CRADD: variants seen among roughly 807,000 people sequenced by gnomAD.
CRADD encodes death domain-containing protein CRADD.
In CRADD, 9 loss-of-function variants were observed where a neutral mutation model predicts 15.5. The observed-to-expected ratio is 0.58, with a 90% confidence interval of 0.35 to 1.01. CRADD has a LOEUF of 1.01. Among genes scored for constraint, CRADD ranks in the 50% least tolerant of loss-of-function variants. The pLI is 0.02. For synonymous variants in CRADD, 118 were observed against 107.6 expected (o/e 1.10, Z -0.60); for missense variants, 227 against 250.3 (o/e 0.91, Z 0.63).
At chr12:93,712,829 A>C (rs1956097458) in intron 2 of CRADD, among the ~76,000 whole-genome samples, 1 of 152,138 alleles carries the variant, frequency 6.6e-6, no homozygotes. Context: ...AATGCTTAGG[A>C]CAGTGTTGTT....
At chr12:93,735,506 T>G (rs886490424) in intron 2 of CRADD, 1 of 152,238 alleles carries the variant, frequency 6.6e-6, no homozygotes, top group Non-Finnish European at 1.5e-5. Flanking sequence ...GAGACTATAG[T>G]GCCTGGTTCA....
At chr12:93,777,616 G>A (rs558996160) in intron 2 of CRADD, among the ~76,000 whole-genome samples, 16 of 152,330 alleles carry the variant, frequency 1.1e-4, no homozygotes, top group Admixed American at 9.8e-4. Flanking sequence ...TAGTGGAAGT[G>A]ACTGTTCTTT....
intron 2 of CRADD, among the ~76,000 whole-genome samples, chr12:93,856,046 T>C (rs548916008): frequency 6.6e-6 from 1 of 152,328 alleles, no homozygotes; most frequent in South Asian, 2.1e-4. Flanking sequence ...GACCTCGTGA[T>C]CCACCTGCCT....
chr12:93,794,622 A>G (rs996977688), intron 2 of CRADD, among the ~76,000 whole-genome samples: 2 of 152,148 alleles, frequency 1.3e-5, no homozygotes, highest in Non-Finnish European at 2.9e-5. Flanking sequence ...CTGGACTTCC[A>G]TATCACCTCC....
intron 2 of CRADD, among the ~76,000 whole-genome samples, chr12:93,773,915 G>T (rs1302125180): frequency 6.9e-6 from 1 of 144,844 alleles, no homozygotes; most frequent in Non-Finnish European, 1.5e-5. Flanking sequence ...GTGTGATCAG[G>T]CTTGACCACC....
intron 2 of CRADD, among the ~76,000 whole-genome samples, chr12:93,777,796 C>T (rs1331944217): frequency 6.6e-6 from 1 of 152,158 alleles, no homozygotes; most frequent in South Asian, 2.1e-4. Flanking sequence ...CACCAAAGCC[C>T]GTTTTTCCTG....
intron 2 of CRADD, among the ~76,000 whole-genome samples, chr12:93,694,674 A>G (rs1341298860): frequency 1.3e-5 from 2 of 152,188 alleles, no homozygotes; most frequent in African/African-American, 2.4e-5. Context: ...ACAAACAGCA[A>G]ACTATTTGAA....
At chr12:93,848,406 T>C (rs1450027400) in intron 2 of CRADD, among the ~76,000 whole-genome samples, 3 of 152,224 alleles carry the variant, frequency 2.0e-5, no homozygotes, top group African/African-American at 7.2e-5. Context: ...GCCTTTGCCT[T>C]CTTATTGAAT....
chr12:93,862,613 G>C (rs78667331), intron 2 of CRADD, among the ~76,000 whole-genome samples: 1 of 152,152 alleles, frequency 6.6e-6, no homozygotes, highest in Non-Finnish European at 1.5e-5. Context: ...GTAAGGTGGG[G>C]TGAGTCAGCT....
intron 2 of CRADD, among the ~76,000 whole-genome samples, chr12:93,684,719 G>A (rs1176173245): frequency 6.6e-6 from 1 of 152,190 alleles, no homozygotes; most frequent in East Asian, 1.9e-4. Flanking sequence ...GGTGGTGGGG[G>A]TGGTCAGGGA....
intron 2 of CRADD, among the ~76,000 whole-genome samples, chr12:93,866,187 G>C (rs1463987366): frequency 6.6e-6 from 1 of 152,038 alleles, no homozygotes; most frequent in Non-Finnish European, 1.5e-5. Flanking sequence ...CTTTCAGTTT[G>C]AAATTTTCTT....
intron 2 of CRADD, among the ~76,000 whole-genome samples, chr12:93,772,512 G>C (rs1957095190): frequency 1.3e-5 from 2 of 152,116 alleles, no homozygotes; most frequent in Non-Finnish European, 2.9e-5. Flanking sequence ...ATTGGAAGCC[G>C]GTCTTCTTAT....
In CRADD at chr12:93,850,225, G is replaced by A. The variant is rs73365258; in HGVS notation, c.554G>A (p.Arg185Gln). ...TTCCAGAGCCTGCACAACGGGCTGC[G>A]GGCTGTGGAGGTGGACCCCTCGCTG... Reference protein sequence around the residue: ...ATFQSLHNGLRAVEVDPSLLL... With the variant: ...ATFQSLHNGLQAVEVDPSLLL... Residue 185 changes from arginine to glutamine, a missense_variant, in exon 3 of 3, where the codon CGG (arginine) becomes CAG (glutamine). Physicochemically the swap from Arg to Gln is conservative, Grantham distance 43. Transcript: ENST00000332896. This position sits in a 1 kb window ranked among gnomAD's most constrained non-coding sequence, Gnocchi z 4.0. The A allele has an allele frequency of 2.8e-3, 4,519 of 1,610,486 alleles. 127 individuals carry two copies. The African/African-American group carries it at 0.053, about 19-fold the overall frequency.
At chr12:93,779,956 T>C (rs528700612) in intron 2 of CRADD, among the ~76,000 whole-genome samples, 2 of 152,114 alleles carry the variant, frequency 1.3e-5, no homozygotes, top group African/African-American at 4.8e-5. Flanking sequence ...TATAGAAGAT[T>C]GAAAGACAAG....
intron 2 of CRADD, among the ~76,000 whole-genome samples, chr12:93,829,482 G>A (rs570773573): frequency 6.1e-4 from 93 of 152,230 alleles, no homozygotes; most frequent in African/African-American, 2.1e-3. Flanking sequence ...CTGGTGAGCT[G>A]ACAAGCAAAG....
At chr12:93,884,101 T>C (rs544031736) in intron 2 of CRADD, among the ~76,000 whole-genome samples, 41 of 152,102 alleles carry the variant, frequency 2.7e-4, no homozygotes, top group African/African-American at 9.2e-4. Context: ...TAAAAAAGGG[T>C]ATGAATACCA....
At chr12:93,794,376 A>ACTTTCTTC (rs549069778) in intron 2 of CRADD, among the ~76,000 whole-genome samples, 129 of 151,662 alleles carry the variant, frequency 8.5e-4, no homozygotes, top group African/African-American at 3.0e-3. Context: ...TCCCAGCCTT[A>ACTTTCTTC]CTTTCTTCCT....
chr12:93,791,461 GAATCTAA>G (rs1957348473), intron 2 of CRADD, among the ~76,000 whole-genome samples: 1 of 152,134 alleles, frequency 6.6e-6, no homozygotes, highest in African/African-American at 2.4e-5. Context: ...CTTGCACGTG[GAATCTAA>G]AAGAGTTAAA....
intron 2 of CRADD, among the ~76,000 whole-genome samples, chr12:93,788,538 T>C (rs943617108): frequency 2.6e-5 from 4 of 152,230 alleles, no homozygotes; most frequent in African/African-American, 7.2e-5. Context: ...TGGACCCTTG[T>C]TAGAATGATG....
Sources: allele counts gnomAD v4.1 joint callset (sites outside exome capture counted in the v4.1 genomes callset), GRCh38; gene constraint gnomAD v4.1.1; non-coding constraint Gnocchi (gnomAD v3.1); transcripts MANE v1.5; gene names NCBI Gene and HGNC (gene_info 2026-07-23, HGNC 2026-07-21).